SESN1: variants seen among roughly 807,000 people sequenced by gnomAD.
The protein encoded by SESN1 is sestrin 1, also known as sestrin-1.
In SESN1, 30 loss-of-function variants were observed where a neutral mutation model predicts 59.3. The observed-to-expected ratio is 0.51, with a 90% CI of 0.38 to 0.69. The LOEUF (loss-of-function observed/expected upper bound fraction) is 0.69. Ranked by LOEUF, SESN1 falls within the 30% of genes least tolerant of loss-of-function variation. The probability of loss-of-function intolerance (pLI) is 0.00; values close to 1 mark genes in which losing one functional copy is unlikely to be tolerated. For synonymous variants in SESN1, 197 were observed against 219.9 expected (o/e 0.90, Z 0.92); for missense variants, 566 against 673.0 (o/e 0.84, Z 1.76).
Position 109,091,539 on chromosome 6 carries a change from G to T in SESN1, c.279+2256C>A, listed in dbSNP as rs114756004. 7.8e-3 allele frequency among the ~76,000 whole-genome samples: 1,193 copies of T among 152,260 alleles called. 20 individuals carry two copies. The highest frequency in any genetic ancestry group is 0.028 in the African/African-American group (1,143 of 41,538). ...TCCTAGAACTCATCTGCTCTCCTTGGCATGAGGCCTTCATACATACCGTTC... is the reference window on the plus strand; with the variant it reads ...TCCTAGAACTCATCTGCTCTCCTTGTCATGAGGCCTTCATACATACCGTTC... On this transcript the variant is annotated intron_variant, in intron 1 of 9. Coordinates refer to ENST00000436639, the MANE Select transcript of SESN1 (RefSeq NM_014454.3).
chr6:109,008,323 C>A (rs1156795893), intron 1 of SESN1, among the ~76,000 whole-genome samples: 1 of 152,166 alleles, frequency 6.6e-6, no homozygotes, highest in African/African-American at 2.4e-5. Flanking sequence ...TAATTCAATA[C>A]TTTCATACTG....
intron 1 of SESN1, chr6:109,009,363 T>C (rs1048916111): frequency 1.4e-6 from 2 of 1,469,128 alleles, no homozygotes; most frequent in African/African-American, 1.5e-5. Flanking sequence ...AGGTACCTCG[T>C]CCTGGTCGCG....
intron 1 of SESN1, among the ~76,000 whole-genome samples, chr6:109,031,470 G>C (rs1049534471): frequency 2.2e-4 from 33 of 152,132 alleles, no homozygotes; most frequent in Non-Finnish European, 3.8e-4. Flanking sequence ...ACTTGTGTAT[G>C]TGCTCCTCCC....
At chr6:109,092,759 A>C (rs1781343750) in intron 1 of SESN1, among the ~76,000 whole-genome samples, 1 of 152,208 alleles carries the variant, frequency 6.6e-6, no homozygotes, top group Non-Finnish European at 1.5e-5. Context: ...CTAGTATATT[A>C]ATTCCTCTCG....
At chr6:109,084,789 A>G (rs1455802622) in intron 1 of SESN1, among the ~76,000 whole-genome samples, 10 of 152,208 alleles carry the variant, frequency 6.6e-5, no homozygotes, top group Non-Finnish European at 5.9e-5. Context: ...TTTATATAAA[A>G]GACATTAGAA....
At chr6:109,038,970 G>A (rs1232846251) in intron 1 of SESN1, among the ~76,000 whole-genome samples, 1 of 147,712 alleles carries the variant, frequency 6.8e-6, no homozygotes, top group Non-Finnish European at 1.5e-5. Flanking sequence ...GGAGAAGAAG[G>A]AAAAGAAAAA....
At chr6:109,070,876 T>G (rs1435376863) in intron 1 of SESN1, among the ~76,000 whole-genome samples, 8 of 152,322 alleles carry the variant, frequency 5.3e-5, no homozygotes, top group African/African-American at 1.9e-4. Context: ...CTTCCCTAAG[T>G]GATACTGATG....
chr6:109,002,929 ATTAAG>A (rs753019060), intron 1 of SESN1, among the ~76,000 whole-genome samples: 1 of 152,132 alleles, frequency 6.6e-6, no homozygotes, highest in Non-Finnish European at 1.5e-5. Context: ...TTTGCCTTAA[ATTAAG>A]TTTTTTTTTA....
At chr6:108,987,805 TC>T (rs1396353696) in intron 9 of SESN1, among the ~76,000 whole-genome samples, 175 bp from the exon 10 acceptor site, 1 of 135,010 alleles carries the variant, frequency 7.4e-6, no homozygotes, top group Admixed American at 7.2e-5. Flanking sequence ...ACAGCAGCTA[TC>T]TTTTTTTTTT....
At chr6:108,991,154 C>A (rs1779374059) in intron 7 of SESN1, among the ~76,000 whole-genome samples, 1 of 152,186 alleles carries the variant, frequency 6.6e-6, no homozygotes, top group Non-Finnish European at 1.5e-5. Context: ...CACTCAGCCC[C>A]CCAGATGTGA....
intron 1 of SESN1, among the ~76,000 whole-genome samples, chr6:109,023,749 A>T (rs996293857): frequency 7.2e-5 from 11 of 152,252 alleles, no homozygotes; most frequent in Non-Finnish European, 1.6e-4. Context: ...ACAAAATAAA[A>T]TGAGTAAAAT....
chr6:109,069,114 AGTGTTT>A (rs1271621165), intron 1 of SESN1, among the ~76,000 whole-genome samples: 3 of 152,140 alleles, frequency 2.0e-5, no homozygotes, highest in Non-Finnish European at 2.9e-5. Context: ...TTTGGGGTGA[AGTGTTT>A]GTAACTTTCA....
At chr6:108,994,026 G>A (rs1404594576) in intron 6 of SESN1, among the ~76,000 whole-genome samples, 4 of 151,388 alleles carry the variant, frequency 2.6e-5, no homozygotes, top group Non-Finnish European at 5.9e-5. Context: ...TGTAGTCCTA[G>A]CTACTCAGGA....
intron 1 of SESN1, among the ~76,000 whole-genome samples, chr6:109,077,686 C>G (rs1176995147): frequency 2.6e-5 from 4 of 152,186 alleles, no homozygotes. Flanking sequence ...AGTACTTCTT[C>G]TCAATGAGAA....
intron 1 of SESN1, among the ~76,000 whole-genome samples, chr6:109,008,579 AG>A (rs1480733347): frequency 2.0e-5 from 3 of 152,252 alleles, no homozygotes; most frequent in Non-Finnish European, 4.4e-5. Context: ...GTAAAGCTGC[AG>A]AAAAAATAAT....
chr6:108,988,598 T>G lies in SESN1; in HGVS notation c.1514A>C (p.Lys505Thr). 1.2e-6 allele frequency: 2 copies of G among 1,613,044 alleles called. No individual in the cohort carries two copies. Among genetic ancestry groups the G allele is most frequent in the South Asian group, 2.2e-5 (2 of 90,846 alleles). ...GCTATCATACATTCTTTTGGTAACCTTTTCAGGAGTGCAAACAACAGTTTT... is the reference window on the plus strand; with the variant it reads ...GCTATCATACATTCTTTTGGTAACCGTTTCAGGAGTGCAAACAACAGTTTT... ...YIKTVVCTPEKVTKRMYDSFW... is the reference protein window; with the variant it reads ...YIKTVVCTPETVTKRMYDSFW... Residue 505 changes from lysine to threonine, a missense_variant, in exon 9 of 10, where the codon AAG (lysine) becomes ACG (threonine). Physicochemically the swap from Lys to Thr is moderately conservative, Grantham distance 78. Transcript: ENST00000436639.
intron 1 of SESN1, among the ~76,000 whole-genome samples, chr6:109,036,917 CA>C (rs1179068430): frequency 6.6e-6 from 1 of 152,134 alleles, no homozygotes; most frequent in East Asian, 1.9e-4. Flanking sequence ...ACTGCCCCAT[CA>C]GTACTAACAA....
Position 109,019,078 on chromosome 6 carries a change from TTAAA to T in SESN1, c.280-16739_280-16736del, listed in dbSNP as rs202235352. Among the ~76,000 whole-genome samples the T allele has an allele frequency of 7.9e-3, 1,199 of 152,346 alleles. 19 individuals carry two copies. Among genetic ancestry groups the T allele is most frequent in the African/African-American group, 0.028 (1,153 of 41,580 alleles). On this transcript the variant is annotated intron_variant, in intron 1 of 9. Transcript: ENST00000436639. ...TGATAATGAATTTTCTTATTTGAAC[TTAAA>T]TAATTCATTGATAAAACACTTTTAC...
chr6:109,065,515 T>G (rs181276063), intron 1 of SESN1, among the ~76,000 whole-genome samples: 1 of 152,244 alleles, frequency 6.6e-6, no homozygotes, highest in East Asian at 1.9e-4. Context: ...CATGAAGACA[T>G]AGGGAGAAAA....
Sources: gnomAD v4.1 joint callset for allele counts (sites outside exome capture counted in the v4.1 genomes callset) on GRCh38, gnomAD v4.1.1 for gene constraint, MANE v1.5 for transcripts, NCBI Gene and HGNC (gene_info 2026-07-23, HGNC 2026-07-21) for gene names.